The following ADGRL2 variants were observed in gnomAD, a reference collection of about 807,000 sequenced individuals.
ADGRL2 encodes the protein calcium-independent alpha-latrotoxin receptor 2.
In ADGRL2, 44 loss-of-function variants were observed where a neutral mutation model predicts 157.4. The observed-to-expected ratio is 0.28, with a 90% CI of 0.22 to 0.36. The LOEUF is 0.36. Among genes scored for constraint, ADGRL2 ranks in the 10% least tolerant of loss-of-function variants. The pLI, the probability that ADGRL2 is intolerant of heterozygous loss-of-function variation, is 1.00. For synonymous variants in ADGRL2, 585 were observed against 624.7 expected (o/e 0.94, Z 0.95); for missense variants, 1,510 against 1,768.9 (o/e 0.85, Z 2.63).
chr1:81,877,785 A>G (rs1001703256), intron 2 of ADGRL2, among the ~76,000 whole-genome samples: 5 of 152,090 alleles, frequency 3.3e-5, no homozygotes, highest in African/African-American at 7.2e-5. Flanking sequence ...ACTGCCATTT[A>G]TAGGTGGTTA....
At position 81,993,104 on chromosome 1, in the gene ADGRL2, T is replaced by TTA. The variant is rs1664902259; in HGVS notation, c.*1960_*1961insAT. Among the ~76,000 whole-genome samples, 3 of 99,612 alleles carry TTA rather than the reference T, an allele frequency of 3.0e-5. No homozygotes were observed. Among genetic ancestry groups the TTA allele is most frequent in the African/African-American group, 1.3e-4 (3 of 23,738 alleles). The allele number at this position is 99,612 out of a possible 152,430, so 65.3% of individuals were successfully genotyped here. Reference sequence around the variant, plus strand: ...ATATATATATTTTTTTTTTTTTTTTTTTTTTTTTTTTTTTTGGGACAGAGT... The same window carrying TTA: ...ATATATATATTTTTTTTTTTTTTTTTTATTTTTTTTTTTTTTTGGGACAGAGT... On this transcript the variant is annotated 3_prime_UTR_variant, in exon 24 of 24. Coordinates refer to ENST00000686636, the MANE Select transcript of ADGRL2 (RefSeq NM_001366006.2).
At chr1:81,497,597 A>G in intron 2 of ADGRL2, among the ~76,000 whole-genome samples, 1 of 152,224 alleles carries the variant, frequency 6.6e-6, no homozygotes, top group Non-Finnish European at 1.5e-5. Context: ...TGATATATCT[A>G]GATTCAAATC....
chr1:81,737,533 C>G (rs1004197311), intron 1 of ADGRL2, among the ~76,000 whole-genome samples: 3 of 152,158 alleles, frequency 2.0e-5, no homozygotes, highest in African/African-American at 4.8e-5. Context: ...ACATGAGACT[C>G]GGGTGGGGAC....
intron 1 of ADGRL2, among the ~76,000 whole-genome samples, chr1:81,319,896 T>C (rs1660389740): frequency 2.6e-5 from 4 of 152,208 alleles, no homozygotes; most frequent in Admixed American, 2.6e-4. Flanking sequence ...TGCAATTTCT[T>C]AAAATAAGAC....
rs188565172 is a variant in ADGRL2, at chr1:81,856,780, A to G, written c.73+19723A>G. Among the ~76,000 whole-genome samples the G allele has an allele frequency of 1.5e-3, 225 of 152,190 alleles. 1 individual carries two copies. In the Middle Eastern group the frequency reaches 0.017, roughly 12 times the overall value. ...AATATGCCAAAACTTAGCCATGCTT[A>G]TTTGTAGGGCATACTTAATTACAGA... On this transcript the variant is annotated intron_variant, in intron 2 of 23. Transcript: ENST00000686636.
At chr1:81,545,844 G>C (rs1301535977) in intron 2 of ADGRL2, among the ~76,000 whole-genome samples, 1 of 152,052 alleles carries the variant, frequency 6.6e-6, no homozygotes, top group Non-Finnish European at 1.5e-5. Context: ...CTTCCCCATG[G>C]GTCATCTTGC....
At chr1:81,680,450 C>T (rs577870933) in intron 3 of ADGRL2, among the ~76,000 whole-genome samples, 2 of 152,210 alleles carry the variant, frequency 1.3e-5, no homozygotes, top group Admixed American at 6.5e-5. Context: ...ACCGGAATGT[C>T]GGCTTAGGGC....
intron 3 of ADGRL2, among the ~76,000 whole-genome samples, chr1:81,655,479 C>T (rs915702917): frequency 6.6e-6 from 1 of 152,164 alleles, no homozygotes; most frequent in African/African-American, 2.4e-5. Context: ...TTTACTGGCT[C>T]CAGTTTCCAG....
chr1:81,732,758 G>A (rs561502432), intron 1 of ADGRL2, among the ~76,000 whole-genome samples: 2 of 152,260 alleles, frequency 1.3e-5, no homozygotes, highest in African/African-American at 2.4e-5. Flanking sequence ...CCTAACATTT[G>A]TCTTCAAATC....
intron 3 of ADGRL2, among the ~76,000 whole-genome samples, chr1:81,685,668 G>A (rs553811498): frequency 3.3e-5 from 5 of 152,234 alleles, no homozygotes; most frequent in East Asian, 1.9e-4. Context: ...CTTCCAGTCC[G>A]ATGTTGAAGA....
At chr1:81,443,555 C>A (rs542776371) in intron 1 of ADGRL2, among the ~76,000 whole-genome samples, 1 of 152,232 alleles carries the variant, frequency 6.6e-6, no homozygotes, top group South Asian at 2.1e-4. Flanking sequence ...GTTTGAGACC[C>A]ACTTGATAGA....
chr1:81,376,473 G>A (rs1397344588), intron 1 of ADGRL2, among the ~76,000 whole-genome samples: 1 of 152,116 alleles, frequency 6.6e-6, no homozygotes, highest in African/African-American at 2.4e-5. Context: ...GATATAACCT[G>A]GTTAATACAA....
rs533798826 is a variant in ADGRL2, at chr1:81,951,621, A to G, written c.1609-336A>G. 4.6e-5 allele frequency among the ~76,000 whole-genome samples: 7 copies of G among 152,136 alleles called. No individual in the cohort carries two copies. The South Asian group carries it at 1.5e-3, about 32-fold the overall frequency. ...ACCCTCAGTATCATGCTGATTACAT[A>G]CTGACTTAAATTCTGGATCATTGGA... On this transcript the variant is annotated intron_variant, in intron 8 of 23. Coordinates refer to ENST00000686636, the MANE Select transcript of ADGRL2 (RefSeq NM_001366006.2).
At chr1:81,322,091 T>TATATATATATATATATATATATATACAC (rs1660544498) in intron 1 of ADGRL2, among the ~76,000 whole-genome samples, 1 of 98,308 alleles carries the variant, frequency 1.0e-5, no homozygotes, top group Non-Finnish European at 2.3e-5. Context: ...CTAATTCATA[T>TATATATATATATATATATATATATACAC]ATATATATAT....
At chr1:81,358,107 G>A (rs533636642) in intron 1 of ADGRL2, among the ~76,000 whole-genome samples, 25 of 151,298 alleles carry the variant, frequency 1.7e-4, no homozygotes, top group East Asian at 7.8e-4. Flanking sequence ...AGCCCCCAGC[G>A]TGAAAATTAG....
At chr1:81,907,460 C>T in intron 3 of ADGRL2, among the ~76,000 whole-genome samples, 1 of 152,058 alleles carries the variant, frequency 6.6e-6, no homozygotes, top group Middle Eastern at 3.2e-3. Flanking sequence ...TAATACGTAT[C>T]TTTTTGTGTT....
At chr1:81,791,091 AAG>A (rs1553153916) in intron 2 of ADGRL2, among the ~76,000 whole-genome samples, 29 of 151,072 alleles carry the variant, frequency 1.9e-4, no homozygotes, top group Non-Finnish European at 3.7e-4. Flanking sequence ...AAAAAAAAAA[AAG>A]AATGTGAGCA....
At chr1:81,402,956 T>A (rs1302226964) in intron 1 of ADGRL2, among the ~76,000 whole-genome samples, 3 of 152,214 alleles carry the variant, frequency 2.0e-5, no homozygotes, top group Non-Finnish European at 4.4e-5. Flanking sequence ...AAACTACATA[T>A]AATTCTTACA....
At chr1:81,521,217 A>C (rs749504693) in intron 2 of ADGRL2, among the ~76,000 whole-genome samples, 1 of 152,228 alleles carries the variant, frequency 6.6e-6, no homozygotes, top group East Asian at 1.9e-4. Context: ...CTTTAAAGCT[A>C]TGCACTTACT....
Sources: allele counts gnomAD v4.1 joint callset (sites outside exome capture counted in the v4.1 genomes callset), GRCh38; gene constraint gnomAD v4.1.1; transcripts MANE v1.5; gene names NCBI Gene and HGNC (gene_info 2026-07-23, HGNC 2026-07-21).